CLEC3B: variants seen among roughly 807,000 people sequenced by gnomAD.
The protein encoded by CLEC3B is C-type lectin domain family 3 member B.
In CLEC3B, 13 loss-of-function variants were observed where a neutral mutation model predicts 15.4. That is an observed-to-expected ratio of 0.84 (90% confidence interval 0.55 to 1.34). The LOEUF is 1.34. Ranked by LOEUF, CLEC3B falls within the 40% of genes most tolerant of loss-of-function variation. CLEC3B has a pLI of 0.00. For missense variants in CLEC3B, 242 were observed against 268.6 expected (o/e 0.90, Z 0.69); for synonymous variants, 112 against 114.7 (o/e 0.98, Z 0.15).
In CLEC3B at chr3:45,035,972, G is replaced by A. The variant is rs1157166529; in HGVS notation, c.*48G>A. The A allele has an allele frequency of 2.7e-6, 4 of 1,484,982 alleles. No individual in the cohort carries two copies. The South Asian group carries it at 3.8e-5, about 14-fold the overall frequency. 92.0% of individuals were successfully genotyped at this position (1,484,982 alleles called of 1,614,324 possible). A position where few individuals can be genotyped will look rare whatever the true frequency, so the allele number is the denominator to read the frequency against. The stretch of plus-strand genomic sequence containing the variant: ...GGGCCTGGAGGAGGGCAGGGGCCGC[G>A]GGAGGCCGGGAGGAGGGTGGGGACC... On this transcript the variant is annotated 3_prime_UTR_variant, in exon 3 of 3. Transcript: ENST00000296130.
At chr3:45,032,922 C>G (rs1438148227) in intron 2 of CLEC3B, among the ~76,000 whole-genome samples, 2 of 152,230 alleles carry the variant, frequency 1.3e-5, no homozygotes, top group Non-Finnish European at 2.9e-5. Context: ...CCAACCACAT[C>G]TGTCTCATTT....
Position 45,030,882 on chromosome 3 carries a change from C to T in CLEC3B, c.165C>T (p.Ala55=), listed in dbSNP as rs758374273. 1.5e-5 allele frequency: 24 copies of T among 1,594,158 alleles called. No homozygotes were observed. Among genetic ancestry groups the T allele is most frequent in the Non-Finnish European group, 2.0e-5 (23 of 1,170,384 alleles). The change falls in exon 2 of 3, where the codon GCC becomes GCT. Residue 55 remains alanine, a synonymous_variant. Transcript: ENST00000296130. The part of the protein sequence containing the change: ...EELKSRLDTL[A]QEVALLKEQQ... ...TCAAGAGCCGTCTGGACACCCTGGC[C>T]CAGGAGGTGGCCCTGCTGAAGGAGC...
rs1394910762 is a variant in CLEC3B at position 45,035,791 on chromosome 3, CTG to C, written c.477_478del (p.Glu160AspfsTer84). The C allele has an allele frequency of 1.9e-6, 3 of 1,613,604 alleles. No homozygotes were observed. The highest frequency in any genetic ancestry group is 1.6e-4 in the Middle Eastern group (1 of 6,062). ...CGCATCGCCTACAAGAACTGGGAGA[CTG>C]AGATCACCGCGCAACCCGATGGCGG... On this transcript the variant is annotated frameshift_variant, in exon 3 of 3. Coordinates refer to ENST00000296130, the MANE Select transcript of CLEC3B (RefSeq NM_003278.3). LOFTEE classifies it high-confidence loss of function.
chr3:45,035,610 A>C lies in CLEC3B; in HGVS notation c.295A>C (p.Ile99Leu), dbSNP rs778145710. The change falls in exon 3 of 3, where the codon ATC becomes CTC. Residue 99 changes from isoleucine (I) to leucine (L), a missense_variant. Physicochemically the swap from Ile to Leu is conservative, Grantham distance 5 (BLOSUM62 2). Transcript: ENST00000296130. The part of the protein sequence containing the change: ...KTFHEASEDC[I>L]SRGGTLGTPQ... ...CTTCCACGAGGCCAGCGAGGACTGC[A>C]TCTCGCGCGGGGGCACCCTGGGCAC... 1.2e-6 allele frequency: 2 copies of C among 1,614,134 alleles called. No individual in the cohort carries two copies. Among genetic ancestry groups the C allele is most frequent in the Admixed American group, 3.3e-5 (2 of 60,032 alleles).
At position 45,026,352 on chromosome 3, in the gene CLEC3B, C is replaced by A; in HGVS notation, c.-11C>A. ...GCTGCAGGCAGCAGCAGCCCCCGCC[C>A]GCGCAGCAGCATGGAGCTCTGGGGG... On this transcript the variant is annotated 5_prime_UTR_variant, in exon 1 of 3. Coordinates refer to ENST00000296130, the MANE Select transcript of CLEC3B (RefSeq NM_003278.3). 1.2e-6 allele frequency: 2 copies of A among 1,611,206 alleles called. No individual in the cohort carries two copies. Among genetic ancestry groups the A allele is most frequent in the South Asian group, 1.1e-5 (1 of 90,866 alleles).
intron 2 of CLEC3B, among the ~76,000 whole-genome samples, chr3:45,033,496 T>C (rs2372850): frequency 0.5 from 76,162 of 151,892 alleles, 20,097 homozygotes; most frequent in East Asian, 0.87. Context: ...CCAACCAGCA[T>C]ACACATGGGA....
chr3:45,034,674 T>C (rs372335427), intron 2 of CLEC3B: 1 of 152,364 alleles, frequency 6.6e-6, no homozygotes, highest in African/African-American at 2.4e-5. Flanking sequence ...TGACCAAATA[T>C]GTGCCTTCAT....
At chr3:45,033,525 C>T (rs566865042) in intron 2 of CLEC3B, among the ~76,000 whole-genome samples, 2 of 152,192 alleles carry the variant, frequency 1.3e-5, no homozygotes, top group Non-Finnish European at 2.9e-5. Flanking sequence ...CCTGGTACAT[C>T]TCTGCCAGGC....
At position 45,035,584 on chromosome 3, in the gene CLEC3B, C is replaced by A; in HGVS notation, c.269C>A (p.Thr90Asn). Residue 90 changes from threonine (T) to asparagine (N), a missense_variant, in exon 3 of 3, where the codon ACC becomes AAC. Coordinates refer to ENST00000296130, the MANE Select transcript of CLEC3B (RefSeq NM_003278.3). ...KCFLAFTQTK[T>N]FHEASEDCIS... is the part of the protein sequence containing the mutation. ...TTTCTGGCCTTCACCCAGACGAAGA[C>A]CTTCCACGAGGCCAGCGAGGACTGC... 1 of 1,614,014 alleles carries A rather than the reference C, an allele frequency of 6.2e-7. No homozygotes were observed. Among genetic ancestry groups the A allele is most frequent in the Non-Finnish European group, 8.5e-7 (1 of 1,179,956 alleles).
chr3:45,035,777 C>G lies in CLEC3B; in HGVS notation c.462C>G (p.Tyr154Ter). The change falls in exon 3 of 3, where the codon TAC becomes TAG. Residue 154 changes from tyrosine to a stop codon, truncating the protein, a stop_gained. Transcript: ENST00000296130. LOFTEE classifies it high-confidence loss of function. ...ACATGACCGGCGCCCGCATCGCCTA[C>G]AAGAACTGGGAGACTGAGATCACCG... ...WVDMTGARIA[Y>*]KNWETEITAQ... 1 of 1,613,718 alleles carries G rather than the reference C, an allele frequency of 6.2e-7. No homozygotes were observed. Among genetic ancestry groups the G allele is most frequent in the Non-Finnish European group, 8.5e-7 (1 of 1,179,970 alleles).
rs1413241489 is a variant in CLEC3B, at chr3:45,030,767, AAGGT to A, written c.110-56_110-53del. 2.6e-6 allele frequency: 3 copies of A among 1,164,280 alleles called. No individual in the cohort carries two copies. The East Asian group carries it at 7.7e-5, about 30-fold the overall frequency. The allele number at this position is 1,164,280 out of a possible 1,614,324, so 72.1% of individuals were successfully genotyped here. On this transcript the variant is annotated intron_variant, in intron 1 of 2. Transcript: ENST00000296130. ...CTTTTCCTCTCATCCCTCTGCAGCT[AAGGT>A]AGGATCCTTCCTGCTCAGTCCCTGC...
chr3:45,035,817 G>A lies in CLEC3B; in HGVS notation c.502G>A (p.Gly168Ser), dbSNP rs1697635494. 4 of 1,613,270 alleles carry A rather than the reference G, an allele frequency of 2.5e-6. No individual in the cohort carries two copies. The highest frequency in any genetic ancestry group is 1.7e-5 in the Admixed American group (1 of 60,012). ...TGAGATCACCGCGCAACCCGATGGC[G>A]GCAAGACCGAGAACTGCGCGGTCCT... ...ETEITAQPDG[G>S]KTENCAVLSG... is the part of the protein sequence containing the mutation. The change falls in exon 3 of 3, where the codon GGC (glycine) becomes AGC (serine). Residue 168 changes from glycine (G) to serine (S), a missense_variant. By Grantham distance (56) the Gly-to-Ser change is moderately conservative. Coordinates refer to ENST00000296130, the MANE Select transcript of CLEC3B (RefSeq NM_003278.3).
intron 2 of CLEC3B, chr3:45,034,406 T>C (rs775047236): frequency 6.6e-6 from 1 of 152,150 alleles, no homozygotes; most frequent in Non-Finnish European, 1.5e-5. Context: ...TTGATATTTG[T>C]TGAGTGAAAT....
intron 2 of CLEC3B, among the ~76,000 whole-genome samples, chr3:45,032,184 C>T (rs1697568005): frequency 6.6e-6 from 1 of 152,204 alleles, no homozygotes; most frequent in Admixed American, 6.5e-5. Flanking sequence ...GCCCATCCAT[C>T]TGCAAGGCCT....
rs1029852953 is a variant in CLEC3B, at chr3:45,036,049, T to A, written c.*125T>A. On this transcript the variant is annotated 3_prime_UTR_variant, in exon 3 of 3. Transcript: ENST00000296130. ...TTGGAGCCTCTTTTTGCAAATAAAG[T>A]TGGTGCAGCTTCGCGGAGAGGAGAG... is the stretch of plus-strand genomic sequence containing the variant. The A allele has an allele frequency of 1.0e-5, 12 of 1,164,188 alleles. No individual in the cohort carries two copies. The African/African-American group carries it at 1.6e-4, about 15-fold the overall frequency. The allele number at this position is 1,164,188 out of a possible 1,614,324, so 72.1% of individuals were successfully genotyped here.
At chr3:45,027,401 C>T (rs1697498524) in intron 1 of CLEC3B, among the ~76,000 whole-genome samples, 1 of 152,160 alleles carries the variant, frequency 6.6e-6, no homozygotes, top group Admixed American at 6.5e-5. Flanking sequence ...GGCCATGGGG[C>T]CTCACAACAC....
In CLEC3B at chr3:45,035,854, C is replaced by G; in HGVS notation, c.539C>G (p.Ala180Gly). Residue 180 changes from alanine (A) to glycine (G), a missense_variant, in exon 3 of 3, where the codon GCC becomes GGC. By Grantham distance (60) the Ala-to-Gly change is moderately conservative. Transcript: ENST00000296130. Reference protein sequence around the residue: ...TENCAVLSGAANGKWFDKRCR... With the variant: ...TENCAVLSGAGNGKWFDKRCR... ...AACTGCGCGGTCCTGTCAGGCGCGG[C>G]CAACGGCAAGTGGTTCGACAAGCGC... 1 of 1,612,594 alleles carries G rather than the reference C, an allele frequency of 6.2e-7. No homozygotes were observed.
At chr3:45,026,609 T>A (rs1697489197) in intron 1 of CLEC3B, 138 bp downstream of exon 1, 3 of 726,088 alleles carry the variant, frequency 4.1e-6, no homozygotes, top group Non-Finnish European at 7.1e-6. Flanking sequence ...CTTTGGGGCT[T>A]GGGGGAGTTC....
At chr3:45,035,316 G>T (rs1697621977) in intron 2 of CLEC3B, among the ~76,000 whole-genome samples, 1 of 152,130 alleles carries the variant, frequency 6.6e-6, no homozygotes, top group Admixed American at 6.5e-5. Context: ...CCTGAGTGGG[G>T]ATCTGGATCT....
Sources: gnomAD v4.1 joint callset for allele counts (sites outside exome capture counted in the v4.1 genomes callset) on GRCh38, gnomAD v4.1.1 for gene constraint, MANE v1.5 for transcripts, NCBI Gene and HGNC (gene_info 2026-07-23, HGNC 2026-07-21) for gene names.